Variants in TUBGCP5 observed in about 807,000 individuals in gnomAD.
TUBGCP5 encodes the protein tubulin gamma complex component 5, also known as gamma-tubulin complex component 5.
In TUBGCP5, 98 loss-of-function variants were observed where a neutral mutation model predicts 134.7. The ratio of observed to expected loss-of-function variants is 0.73; its 90% CI spans 0.62 to 0.86. The LOEUF (loss-of-function observed/expected upper bound fraction) is 0.86. Ranked by LOEUF, TUBGCP5 falls within the 40% of genes least tolerant of loss-of-function variation. The pLI, the probability that TUBGCP5 is intolerant of heterozygous loss-of-function variation, is 0.00. For synonymous variants in TUBGCP5, 456 were observed against 431.4 expected, an observed-to-expected ratio of 1.06 and a Z score of -0.71; for missense variants, 1,150 against 1,244.8, an observed-to-expected ratio of 0.92 and a Z score of 1.15.
chr15:23,007,131 C>T (rs1277856834), intron 16 of TUBGCP5, among the ~76,000 whole-genome samples: 2 of 152,056 alleles, frequency 1.3e-5, no homozygotes, highest in Non-Finnish European at 2.9e-5. Flanking sequence ...AGCTCTTTGC[C>T]GGGTGCGGTG....
chr15:23,038,251 C>A (rs2066712683), intron 1 of TUBGCP5, among the ~76,000 whole-genome samples: 1 of 152,100 alleles, frequency 6.6e-6, no homozygotes, highest in African/African-American at 2.4e-5. Context: ...CTGAAAAACA[C>A]ATGATTCTAG....
At chr15:22,988,412 A>G (rs1213421208) in intron 23 of TUBGCP5, among the ~76,000 whole-genome samples, 9 of 151,894 alleles carry the variant, frequency 5.9e-5, no homozygotes, top group Non-Finnish European at 8.8e-5. Context: ...TTGGCCTTCC[A>G]GCCCCCAGAA....
intron 11 of TUBGCP5, among the ~76,000 whole-genome samples, chr15:23,020,124 T>C (rs1467440810): frequency 7.0e-6 from 1 of 142,664 alleles, no homozygotes; most frequent in Non-Finnish European, 1.5e-5. Flanking sequence ...TAAAAAAAAA[T>C]ACAGCTGGGT....
intron 11 of TUBGCP5, among the ~76,000 whole-genome samples, chr15:23,020,025 C>A (rs936320944): frequency 4.0e-5 from 6 of 150,888 alleles, no homozygotes; most frequent in Non-Finnish European, 7.4e-5. Context: ...ACGCCTGTAA[C>A]CCCAGCACTT....
At position 22,999,621 on chromosome 15, in the gene TUBGCP5, A is replaced by T. The variant is rs1205186100; in HGVS notation, c.*199T>A. On this transcript the variant is annotated 3_prime_UTR_variant, in exon 23 of 23. Transcript: ENST00000615383. ...TCACCATGTTGCCCAGGCTGGCCTC[A>T]AACTCCTGGGCTCAAGTGATCTGCC... 6.9e-6 allele frequency: 4 copies of T among 581,408 alleles called. No individual in the cohort carries two copies. The highest frequency in any genetic ancestry group is 1.2e-5 in the Non-Finnish European group (4 of 331,742). 36.0% of individuals were successfully genotyped at this position (581,408 alleles called of 1,614,324 possible). A position where few individuals can be genotyped will look rare whatever the true frequency, so the allele number is the denominator to read the frequency against.
intron 3 of TUBGCP5, among the ~76,000 whole-genome samples, chr15:23,036,096 G>A (rs1478943027): frequency 6.6e-6 from 1 of 152,156 alleles, no homozygotes. Context: ...TGGTCCCACC[G>A]TGTTCAGGGA....
Position 23,013,864 on chromosome 15 carries a change from G to C in TUBGCP5, c.1757-2533C>G, listed in dbSNP as rs2065174657. Among the ~76,000 whole-genome samples, 1 of 152,172 alleles carries C rather than the reference G, an allele frequency of 6.6e-6. No individual in the cohort carries two copies. The highest frequency in any genetic ancestry group is 1.9e-4 in the East Asian group (1 of 5,188). On this transcript the variant is annotated intron_variant, in intron 13 of 22. Transcript: ENST00000615383. This position sits in a 1 kb window ranked among gnomAD's most constrained non-coding sequence, Gnocchi z 4.5. ...GAGCACGCCCTCCTCTGGGCCAGTA[G>C]CTGCTGCACCTCTCCTGCACCCCAG...
chr15:23,008,653 A>T, intron 16 of TUBGCP5, 46 bp downstream of exon 16: 2 of 1,572,270 alleles, frequency 1.3e-6, no homozygotes, highest in Non-Finnish European at 1.7e-6. Flanking sequence ...ACTGGCACAT[A>T]GTTCATGTTA....
intron 13 of TUBGCP5, among the ~76,000 whole-genome samples, chr15:23,016,271 T>C (rs1443604507): frequency 6.6e-6 from 1 of 152,146 alleles, no homozygotes; most frequent in Non-Finnish European, 1.5e-5. Flanking sequence ...GGCGGGCAGA[T>C]CACTTGAGGT....
chr15:22,987,519 T>C (rs1470846240), intron 23 of TUBGCP5, among the ~76,000 whole-genome samples: 1 of 151,948 alleles, frequency 6.6e-6, no homozygotes, highest in African/African-American at 2.4e-5. Context: ...ACCAAGATGA[T>C]GGCATTAGGA....
chr15:23,017,736 C>T, intron 13 of TUBGCP5, 37 bp downstream of exon 13: 1 of 1,587,768 alleles, frequency 6.3e-7, no homozygotes, highest in African/African-American at 1.3e-5. Context: ...TCAGGTGTCC[C>T]AACACCAAGA....
At chr15:23,012,221 G>GA (rs2065079154) in intron 13 of TUBGCP5, among the ~76,000 whole-genome samples, 1 of 151,860 alleles carries the variant, frequency 6.6e-6, no homozygotes, top group Admixed American at 6.6e-5. Flanking sequence ...AGTCTCATTG[G>GA]AAAAAACACT....
Position 23,039,382 on chromosome 15 carries a change from G to T in TUBGCP5, c.146+16C>A, listed in dbSNP as rs771391148. The T allele has an allele frequency of 2.1e-6, 3 of 1,421,938 alleles. No homozygotes were observed. The highest frequency in any genetic ancestry group is 2.9e-5 in the African/African-American group (2 of 67,958). The allele number at this position is 1,421,938 out of a possible 1,614,324, so 88.1% of individuals were successfully genotyped here. A position where few individuals can be genotyped will look rare whatever the true frequency, so the allele number is the denominator to read the frequency against. On this transcript the variant is annotated intron_variant, in intron 1 of 22. Transcript: ENST00000615383. ...GGGCTGTGGCCGGGAACCCGCCCGC[G>T]CGCCGTGCCCCACACCTGAAGTTGG...
At chr15:23,039,077 GC>G (rs2066762568) in intron 1 of TUBGCP5, among the ~76,000 whole-genome samples, 1 of 151,884 alleles carries the variant, frequency 6.6e-6, no homozygotes, top group Non-Finnish European at 1.5e-5. Context: ...CGTTGCCCAA[GC>G]TGGCCTGGAG....
At chr15:23,016,685 T>C (rs536035604) in intron 13 of TUBGCP5, among the ~76,000 whole-genome samples, 2 of 151,944 alleles carry the variant, frequency 1.3e-5, no homozygotes, top group African/African-American at 4.8e-5. Context: ...AAAAAATAAA[T>C]GCTGGTGAGG....
In TUBGCP5 at chr15:23,033,478, C is replaced by T. The variant is rs538681926; in HGVS notation, c.310-654G>A. The stretch of plus-strand genomic sequence containing the variant: ...ATTTTTAGTAGAGATGGGGTTTCAC[C>T]ATGTTGGCCAGGATGGTCTCCAACT... On this transcript the variant is annotated intron_variant, in intron 3 of 22. Coordinates refer to ENST00000615383, the MANE Select transcript of TUBGCP5 (RefSeq NM_052903.6). Among the ~76,000 whole-genome samples, 435 of 152,230 alleles carry T rather than the reference C, an allele frequency of 2.9e-3. 4 individuals carry two copies. The highest frequency in any genetic ancestry group is 0.014 in the Middle Eastern group (4 of 294).
intron 23 of TUBGCP5, among the ~76,000 whole-genome samples, chr15:22,993,557 T>TTTTTTTTTTTTTTTTTTA (rs2063932615): frequency 8.1e-6 from 1 of 123,262 alleles, no homozygotes; most frequent in African/African-American, 3.6e-5. Context: ...TTTTTTTTTT[T>TTTTTTTTTTTTTTTTTTA]AATATGAGAC....
At chr15:23,025,730 C>A (rs1457024076) in intron 8 of TUBGCP5, among the ~76,000 whole-genome samples, 1 of 151,312 alleles carries the variant, frequency 6.6e-6, no homozygotes, top group Non-Finnish European at 1.5e-5. Context: ...ACTCGGGAGG[C>A]TGAGGCAGGA....
chr15:22,985,443 C>T (rs111839091), intron 23 of TUBGCP5, among the ~76,000 whole-genome samples: 16,649 of 151,966 alleles, frequency 0.11, 1,018 homozygotes, highest in Middle Eastern at 0.12. Flanking sequence ...GTCTCAAACT[C>T]CCGACCTCAG....
Sources: gnomAD v4.1 joint callset for allele counts (sites outside exome capture counted in the v4.1 genomes callset) on GRCh38, gnomAD v4.1.1 for gene constraint, Gnocchi (gnomAD v3.1) non-coding constraint, MANE v1.5 for transcripts, NCBI Gene and HGNC (gene_info 2026-07-23, HGNC 2026-07-21) for gene names.